Variants in SMIM31 observed in about 807,000 individuals in gnomAD.
SMIM31 encodes the protein small integral membrane protein 31, also known as human epithelial cell program regulator.
In SMIM31 at chr4:164,801,404, G is replaced by A. The variant is rs1029238514; in HGVS notation, c.*210G>A. ...GCATTATCCAAAATATCTATTAAGA[G>A]CCATACACCATTCTAGCTGCAATTG... On this transcript the variant is annotated 3_prime_UTR_variant, in exon 3 of 3. Transcript: ENST00000507311. 2.5e-5 allele frequency: 9 copies of A among 355,634 alleles called. No individual in the cohort carries two copies. Among genetic ancestry groups the A allele is most frequent in the Non-Finnish European group, 4.5e-5 (9 of 200,260 alleles). 22.0% of individuals were successfully genotyped at this position (355,634 alleles called of 1,614,324 possible). A position where few individuals can be genotyped will look rare whatever the true frequency, so the allele number is the denominator to read the frequency against.
At chr4:164,780,327 T>A (rs1732932369) in intron 2 of SMIM31, among the ~76,000 whole-genome samples, 1 of 152,214 alleles carries the variant, frequency 6.6e-6, no homozygotes, top group African/African-American at 2.4e-5. Flanking sequence ...CTCGGGAGGC[T>A]GAGGCAGGAG....
intron 2 of SMIM31, among the ~76,000 whole-genome samples, chr4:164,779,961 C>T (rs1440266965): frequency 6.6e-6 from 1 of 152,128 alleles, no homozygotes; most frequent in East Asian, 1.9e-4. Context: ...GACAAACACC[C>T]GAATCCAAGA....
At chr4:164,790,206 T>C (rs1245489698) in intron 2 of SMIM31, among the ~76,000 whole-genome samples, 1 of 152,182 alleles carries the variant, frequency 6.6e-6, no homozygotes, top group African/African-American at 2.4e-5. Context: ...CATGAAATGC[T>C]ATGATGACTA....
At chr4:164,764,269 T>C (rs971470443) in intron 1 of SMIM31, among the ~76,000 whole-genome samples, 1 of 151,838 alleles carries the variant, frequency 6.6e-6, no homozygotes, top group African/African-American at 2.4e-5. Context: ...GACCATTGAG[T>C]TAAAATGTGG....
chr4:164,790,203 T>C (rs1480999731), intron 2 of SMIM31, among the ~76,000 whole-genome samples: 1 of 152,170 alleles, frequency 6.6e-6, no homozygotes, highest in African/African-American at 2.4e-5. Context: ...ATACATGAAA[T>C]GCTATGATGA....
At chr4:164,796,835 A>G (rs1195067685) in intron 2 of SMIM31, among the ~76,000 whole-genome samples, 1 of 152,228 alleles carries the variant, frequency 6.6e-6, no homozygotes, top group African/African-American at 2.4e-5. Context: ...GAGTATGGCA[A>G]TAATTGATCA....
chr4:164,771,834 AAG>A (rs1207465513), intron 2 of SMIM31, among the ~76,000 whole-genome samples: 1 of 152,118 alleles, frequency 6.6e-6, no homozygotes, highest in Non-Finnish European at 1.5e-5. Flanking sequence ...AAAATTAAAA[AAG>A]AATCCACTCA....
At chr4:164,758,622 C>CT (rs779023276) in intron 1 of SMIM31, among the ~76,000 whole-genome samples, 20,606 of 103,898 alleles carry the variant, frequency 0.2, 4,162 homozygotes, top group Non-Finnish European at 0.3. Flanking sequence ...TGTAGTTTTC[C>CT]TTTTTTTGTT....
chr4:164,757,148 C>T (rs1326921404), intron 1 of SMIM31, among the ~76,000 whole-genome samples: 2 of 152,042 alleles, frequency 1.3e-5, no homozygotes, highest in African/African-American at 2.4e-5. Flanking sequence ...ATTTTATTTG[C>T]GTGTATCTGA....
rs139664116 is a variant in SMIM31, at chr4:164,783,263, C to T, written c.112+12708C>T. Among the ~76,000 whole-genome samples, 473 of 149,188 alleles carry T rather than the reference C, an allele frequency of 3.2e-3. 4 individuals carry two copies. Among genetic ancestry groups the T allele is most frequent in the African/African-American group, 0.011 (448 of 40,482 alleles). On this transcript the variant is annotated intron_variant, in intron 2 of 2. Coordinates refer to ENST00000507311, the MANE Select transcript of SMIM31 (RefSeq NM_001352885.1). The stretch of plus-strand genomic sequence containing the variant: ...TTCTGGCCGGGTGCTGTGGCTCACA[C>T]CTGTAATCCCAGCACTTTGGGAGGC...
rs867508712 is a variant in SMIM31, at chr4:164,788,462, C to T, written c.113-12629C>T. Among the ~76,000 whole-genome samples the T allele has an allele frequency of 6.1e-3, 710 of 116,706 alleles. 5 individuals are homozygous for T. Among genetic ancestry groups the T allele is most frequent in the South Asian group, 0.023 (75 of 3,316 alleles). 76.6% of individuals were successfully genotyped at this position (116,706 alleles called of 152,430 possible). ...TGGCCAATCCGAATCTATAAAATTT[C>T]TTTCTTCTAATTTTTCTTTTTTTTT... is the stretch of plus-strand genomic sequence containing the variant. On this transcript the variant is annotated intron_variant, in intron 2 of 2. Coordinates refer to ENST00000507311, the MANE Select transcript of SMIM31 (RefSeq NM_001352885.1).
At chr4:164,754,935 G>A in intron 1 of SMIM31, among the ~76,000 whole-genome samples, 1 of 150,244 alleles carries the variant, frequency 6.7e-6, no homozygotes, top group East Asian at 2.0e-4. Flanking sequence ...GAGTATGATA[G>A]AAATATTTTT....
At chr4:164,784,973 C>T (rs2110950483) in intron 2 of SMIM31, among the ~76,000 whole-genome samples, 1 of 151,362 alleles carries the variant, frequency 6.6e-6, no homozygotes, top group South Asian at 2.1e-4. Flanking sequence ...CCTGTAATCC[C>T]AGCACTTTGG....
rs1295179598 is a variant in SMIM31, at chr4:164,770,402, T to A, written c.-25-17T>A. Reference sequence around the variant, plus strand: ...TGGATTAGAGTATGCTGAGCCCATGTTTTATTCCTATTGTAGGTGAAGAAG... The same window carrying A: ...TGGATTAGAGTATGCTGAGCCCATGATTTATTCCTATTGTAGGTGAAGAAG... On this transcript the variant is annotated splice_polypyrimidine_tract_variant and intron_variant, in intron 1 of 2. Coordinates refer to ENST00000507311, the MANE Select transcript of SMIM31 (RefSeq NM_001352885.1). The A allele has an allele frequency of 5.0e-6, 2 of 398,790 alleles. No homozygotes were observed. Among genetic ancestry groups the A allele is most frequent in the Non-Finnish European group, 4.4e-6 (1 of 225,970 alleles). 24.7% of individuals were successfully genotyped at this position (398,790 alleles called of 1,614,324 possible). A position where few individuals can be genotyped will look rare whatever the true frequency, so the allele number is the denominator to read the frequency against.
At chr4:164,765,888 T>G (rs1041109240) in intron 1 of SMIM31, among the ~76,000 whole-genome samples, 8 of 152,192 alleles carry the variant, frequency 5.3e-5, no homozygotes, top group African/African-American at 1.9e-4. Context: ...AGATTTTTCT[T>G]TAGATGAAGG....
intron 2 of SMIM31, among the ~76,000 whole-genome samples, chr4:164,782,580 C>T (rs935891441): frequency 3.4e-5 from 5 of 148,500 alleles, no homozygotes; most frequent in Admixed American, 1.3e-4. Context: ...GGGTTTTCAC[C>T]GTGTTAGCCA....
At chr4:164,788,478 C>CTTTTTCTTTTTTTTTTTTTTTTTT (rs1733056135) in intron 2 of SMIM31, among the ~76,000 whole-genome samples, 1 of 58,162 alleles carries the variant, frequency 1.7e-5, no homozygotes, top group African/African-American at 7.2e-5. Context: ...TCTAATTTTT[C>CTTTTTCTTTTTTTTTTTTTTTTTT]TTTTTTTTTT....
intron 2 of SMIM31, among the ~76,000 whole-genome samples, chr4:164,786,031 A>G (rs978165722): frequency 1.3e-5 from 2 of 152,206 alleles, no homozygotes; most frequent in South Asian, 4.1e-4. Flanking sequence ...CAAGACTTCC[A>G]GCACTTTTAA....
intron 2 of SMIM31, among the ~76,000 whole-genome samples, chr4:164,794,298 C>T (rs570375650): frequency 8.5e-5 from 13 of 152,074 alleles, no homozygotes; most frequent in South Asian, 8.3e-4. Context: ...AGGATCACTT[C>T]AGCCCAGGAG....
Sources: gnomAD v4.1 joint callset for allele counts (sites outside exome capture counted in the v4.1 genomes callset) on GRCh38, gnomAD v4.1.1 for gene constraint, MANE v1.5 for transcripts, NCBI Gene and HGNC (gene_info 2026-07-23, HGNC 2026-07-21) for gene names.